Variants in SCN8A observed in about 807,000 individuals in gnomAD.
SCN8A encodes the protein sodium voltage-gated channel alpha subunit 8.
SCN8A carries 30 observed loss-of-function variants against 184.1 expected under a neutral mutation model. That is an observed-to-expected ratio of 0.16 (90% confidence interval 0.12 to 0.22). SCN8A has a LOEUF of 0.22. Among genes scored for constraint, SCN8A ranks in the 10% least tolerant of loss-of-function variants. The probability of loss-of-function intolerance (pLI) is 1.00; values close to 1 mark genes in which losing one functional copy is unlikely to be tolerated. For synonymous variants in SCN8A, 852 were observed against 907.0 expected, an observed-to-expected ratio of 0.94 and a Z score of 1.09; for missense variants, 1,057 against 2,498.9, an observed-to-expected ratio of 0.42 and a Z score of 12.30.
chr12:51,766,098 CCTT>C (rs1401657089), intron 16 of SCN8A, 71 bp downstream of exon 16: 7 of 1,175,850 alleles, frequency 6.0e-6, no homozygotes, highest in Non-Finnish European at 8.9e-6. Context: ...AAGCCCAAGT[CCTT>C]CTACTGCTTA....
intron 26 of SCN8A, among the ~76,000 whole-genome samples, chr12:51,803,140 T>C (rs544062405): frequency 6.6e-6 from 1 of 152,154 alleles, no homozygotes; most frequent in South Asian, 2.1e-4. Context: ...TCCTCAAAAG[T>C]AGGGAAGCTG....
In SCN8A at chr12:51,770,601, G is replaced by A. The variant is rs1555226375; in HGVS notation, c.3563G>A (p.Arg1188Gln). ...CTAGGCAAGTCTTGGTGGATCCTGCGGAAAACCTGCTTCCTCATCGTGGAG... is the reference window on the plus strand; with the variant it reads ...CTAGGCAAGTCTTGGTGGATCCTGCAGAAAACCTGCTTCCTCATCGTGGAG... The part of the protein sequence containing the change: ...EGLGKSWWIL[R>Q]KTCFLIVEHN... Residue 1188 changes from arginine (R) to glutamine (Q), a missense_variant, in exon 19 of 27, where the codon CGG becomes CAG. By Grantham distance (43) the Arg-to-Gln change is conservative. Transcript: ENST00000627620. 1.2e-6 allele frequency: 2 copies of A among 1,614,080 alleles called. No homozygotes were observed. The highest frequency in any genetic ancestry group is 1.7e-6 in the Non-Finnish European group (2 of 1,179,950).
chr12:51,689,108 T>G lies in SCN8A; in HGVS notation c.706+12T>G, dbSNP rs750485285. 6.3e-7 allele frequency: 1 copy of G among 1,587,616 alleles called. No homozygotes were observed. The highest frequency in any genetic ancestry group is 1.1e-5 in the South Asian group (1 of 88,894). ...CTCTGTAATTCCAGGTGAGAAAATT[T>G]GTACATAAGACTGACTTTGCCACAT... On this transcript the variant is annotated intron_variant, in intron 6 of 26. Coordinates refer to ENST00000627620, the MANE Select transcript of SCN8A (RefSeq NM_001330260.2).
At chr12:51,699,518 A>T in intron 6 of SCN8A, 52 bp from the exon 7 acceptor site, 2 of 1,416,230 alleles carry the variant, frequency 1.4e-6, no homozygotes, top group Non-Finnish European at 1.9e-6. Context: ...AGGCTTGGGG[A>T]GGTGGGGAGG....
intron 1 of SCN8A, 24 bp from the exon 2 acceptor site, chr12:51,662,740 T>C: frequency 1.4e-6 from 2 of 1,412,974 alleles, no homozygotes; most frequent in South Asian, 1.3e-5. Context: ...TGATTAATGC[T>C]GTCTGTGTTG....
chr12:51,620,689 A>T (rs1370877513), intron 1 of SCN8A, among the ~76,000 whole-genome samples: 2 of 145,184 alleles, frequency 1.4e-5, no homozygotes, highest in South Asian at 2.2e-4. Flanking sequence ...AGCTAGACTT[A>T]AAAAAAAAAA....
In SCN8A at chr12:51,612,228, C is replaced by T. The variant is rs1244942436; in HGVS notation, c.-55+20869C>T. On this transcript the variant is annotated intron_variant, in intron 1 of 26. Transcript: ENST00000627620. Reference sequence around the variant, plus strand: ...CCAAGCTGGAGTGTAGTGGCGCGAACGCAGCTCACTGCAACCTCTACCTCC... The same window carrying T: ...CCAAGCTGGAGTGTAGTGGCGCGAATGCAGCTCACTGCAACCTCTACCTCC... 3.9e-5 allele frequency among the ~76,000 whole-genome samples: 6 copies of T among 152,152 alleles called. No individual in the cohort carries two copies. In the South Asian group the frequency reaches 6.2e-4, roughly 16 times the overall value.
At chr12:51,722,769 G>A (rs1942089981) in intron 12 of SCN8A, 1 of 152,248 alleles carries the variant, frequency 6.6e-6, no homozygotes, top group Admixed American at 6.5e-5. Flanking sequence ...GTCAGGCTCT[G>A]GAGGAGTTGC....
rs1427009562 is a variant in SCN8A, at chr12:51,607,095, C to G, written c.-55+15736C>G. 3.3e-5 allele frequency among the ~76,000 whole-genome samples: 5 copies of G among 152,138 alleles called. No homozygotes were observed. The East Asian group carries it at 7.7e-4, about 24-fold the overall frequency. ...TATTTGCAGTAGAGATGGGGTTTCA[C>G]CATGTTGGCCAGGCTGGTCTTGAAC... is the stretch of plus-strand genomic sequence containing the variant. On this transcript the variant is annotated intron_variant, in intron 1 of 26. Coordinates refer to ENST00000627620, the MANE Select transcript of SCN8A (RefSeq NM_001330260.2).
chr12:51,641,914 A>G lies in SCN8A; in HGVS notation c.-54-20850A>G, dbSNP rs551663880. On this transcript the variant is annotated intron_variant, in intron 1 of 26. Transcript: ENST00000627620. ...AACCACACACACACACTCAAATCCAATTCCAAGAGACTTAAAGAACAATGC... is the reference window on the plus strand; with the variant it reads ...AACCACACACACACACTCAAATCCAGTTCCAAGAGACTTAAAGAACAATGC... Among the ~76,000 whole-genome samples, 5 of 152,360 alleles carry G rather than the reference A, an allele frequency of 3.3e-5. No homozygotes were observed. In the East Asian group the frequency reaches 9.6e-4, roughly 29 times the overall value.
At chr12:51,696,833 C>T (rs1301139021) in intron 6 of SCN8A, among the ~76,000 whole-genome samples, 1 of 151,704 alleles carries the variant, frequency 6.6e-6, no homozygotes, top group Non-Finnish European at 1.5e-5. Flanking sequence ...GGGTTCGAGA[C>T]CAGCCTGGCC....
rs914796429 is a variant in SCN8A at position 51,628,735 on chromosome 12, A to G, written c.-54-34029A>G. ...TTGGTACTTCCACCCTGAAATAAAG[A>G]TATCTTTCTTATTCAAGAATTATAG... is the stretch of plus-strand genomic sequence containing the variant. On this transcript the variant is annotated intron_variant, in intron 1 of 26. Transcript: ENST00000627620. Among the ~76,000 whole-genome samples the G allele has an allele frequency of 2.6e-5, 4 of 152,262 alleles. No homozygotes were observed. The East Asian group carries it at 7.7e-4, about 29-fold the overall frequency.
chr12:51,654,032 A>G (rs1447494396), intron 1 of SCN8A, among the ~76,000 whole-genome samples: 3 of 152,110 alleles, frequency 2.0e-5, no homozygotes, highest in Non-Finnish European at 2.9e-5. Flanking sequence ...TCTTTTGTCT[A>G]TTTTTAACTG....
intron 11 of SCN8A, chr12:51,713,720 A>G: frequency 7.9e-6 from 3 of 381,976 alleles, no homozygotes. Flanking sequence ...TATTTTTTCA[A>G]AGTATTTTAA....
chr12:51,662,165 CT>C (rs1220303180), intron 1 of SCN8A, among the ~76,000 whole-genome samples: 1 of 152,158 alleles, frequency 6.6e-6, no homozygotes, highest in Non-Finnish European at 1.5e-5. Context: ...TACTTTTGGA[CT>C]TTTATGCTGG....
intron 6 of SCN8A, among the ~76,000 whole-genome samples, chr12:51,691,470 A>G (rs1941506881): frequency 6.6e-6 from 1 of 152,054 alleles, no homozygotes; most frequent in Non-Finnish European, 1.5e-5. Context: ...TATATGCAGT[A>G]TCTAACACAG....
intron 12 of SCN8A, among the ~76,000 whole-genome samples, chr12:51,743,074 C>T (rs1012816959): frequency 6.6e-5 from 10 of 152,116 alleles, no homozygotes; most frequent in African/African-American, 2.4e-4. Flanking sequence ...ATTTCAGTCT[C>T]TTTGTTAAAT....
chr12:51,617,783 C>T (rs569372098), intron 1 of SCN8A, among the ~76,000 whole-genome samples: 1 of 152,298 alleles, frequency 6.6e-6, no homozygotes, highest in East Asian at 1.9e-4. Flanking sequence ...CAAATTCCTT[C>T]CTGCCTTCTG....
intron 1 of SCN8A, among the ~76,000 whole-genome samples, chr12:51,615,032 A>T (rs1939804878): frequency 6.6e-6 from 1 of 152,146 alleles, no homozygotes; most frequent in Admixed American, 6.5e-5. Flanking sequence ...TTTAGTTGGT[A>T]TGTTTAGACC....
Sources: gnomAD v4.1 joint callset for allele counts (sites outside exome capture counted in the v4.1 genomes callset) on GRCh38, gnomAD v4.1.1 for gene constraint, MANE v1.5 for transcripts, NCBI Gene and HGNC (gene_info 2026-07-23, HGNC 2026-07-21) for gene names.